GHR: variants seen among roughly 807,000 people sequenced by gnomAD.
The protein encoded by GHR is growth hormone receptor.
GHR carries 35 observed loss-of-function variants against 67.1 expected under a neutral mutation model. The ratio of observed to expected loss-of-function variants is 0.52; its 90% CI spans 0.40 to 0.69. The LOEUF (loss-of-function observed/expected upper bound fraction) is 0.69. Among genes scored for constraint, GHR ranks in the 30% least tolerant of loss-of-function variants. The pLI is 0.00. For missense variants in GHR, 792 were observed against 764.6 expected, an observed-to-expected ratio of 1.04 and a Z score of -0.42; for synonymous variants, 272 against 269.1, an observed-to-expected ratio of 1.01 and a Z score of -0.10.
intron 1 of GHR, among the ~76,000 whole-genome samples, chr5:42,519,302 G>A (rs1561091730): frequency 6.6e-6 from 1 of 152,080 alleles, no homozygotes; most frequent in Non-Finnish European, 1.5e-5. Context: ...GAGAATAAGG[G>A]CAATGCATTG....
intron 2 of GHR, among the ~76,000 whole-genome samples, chr5:42,576,099 T>TAAAATAAAAAAAAATAAATAAAATA (rs11400007): frequency 1.4e-5 from 1 of 69,236 alleles, no homozygotes; most frequent in African/African-American, 5.7e-5. Flanking sequence ...TAAAATAAAA[T>TAAAATAAAAAAAAATAAATAAAATA]AAATAAAATA....
intron 2 of GHR, among the ~76,000 whole-genome samples, chr5:42,616,703 G>A (rs919790347): frequency 2.0e-5 from 3 of 151,700 alleles, no homozygotes; most frequent in African/African-American, 7.3e-5. Flanking sequence ...CTAGAATATT[G>A]GAGGGAAGAG....
At chr5:42,627,299 T>C (rs963036839) in intron 2 of GHR, among the ~76,000 whole-genome samples, 2 of 152,220 alleles carry the variant, frequency 1.3e-5, no homozygotes, top group African/African-American at 4.8e-5. Flanking sequence ...ATGTAGGAAA[T>C]CTTTTTTTAA....
chr5:42,656,096 A>G (rs757386885), intron 3 of GHR, among the ~76,000 whole-genome samples: 1 of 152,120 alleles, frequency 6.6e-6, no homozygotes, highest in Non-Finnish European at 1.5e-5. Flanking sequence ...TGCAAAAAAC[A>G]TGTTCTAACA....
At chr5:42,507,059 G>A (rs1273902932) in intron 1 of GHR, among the ~76,000 whole-genome samples, 1 of 152,162 alleles carries the variant, frequency 6.6e-6, no homozygotes, top group Admixed American at 6.5e-5. Context: ...ATACATTAAA[G>A]TTCTTCCCAT....
chr5:42,613,219 C>T (rs1752972313), intron 2 of GHR, among the ~76,000 whole-genome samples: 1 of 152,142 alleles, frequency 6.6e-6, no homozygotes, highest in African/African-American at 2.4e-5. Flanking sequence ...ATCCCAACCA[C>T]ATCACTGACC....
chr5:42,454,817 C>A (rs1744193090), intron 1 of GHR, among the ~76,000 whole-genome samples: 1 of 152,108 alleles, frequency 6.6e-6, no homozygotes, highest in Non-Finnish European at 1.5e-5. Flanking sequence ...GGCTTTCAGG[C>A]CACACCCCTC....
intron 1 of GHR, among the ~76,000 whole-genome samples, chr5:42,538,160 T>A (rs773183144): frequency 6.6e-6 from 1 of 152,222 alleles, no homozygotes; most frequent in African/African-American, 2.4e-5. Context: ...TTACATTCAA[T>A]GTCAGTATGA....
chr5:42,660,102 C>G (rs374419813), intron 3 of GHR, among the ~76,000 whole-genome samples: 1 of 152,168 alleles, frequency 6.6e-6, no homozygotes, highest in African/African-American at 2.4e-5. Context: ...ACAAAGCAGG[C>G]GGGAATCTCG....
chr5:42,702,895 C>G (rs1259443492), intron 6 of GHR, among the ~76,000 whole-genome samples: 1 of 151,936 alleles, frequency 6.6e-6, no homozygotes, highest in Non-Finnish European at 1.5e-5. Flanking sequence ...GTCCTTTGCC[C>G]ATTTTTTAAT....
intron 2 of GHR, among the ~76,000 whole-genome samples, chr5:42,579,621 CT>C (rs1237286171): frequency 2.0e-5 from 3 of 152,196 alleles, no homozygotes; most frequent in African/African-American, 7.2e-5. Context: ...TATTTGAGTG[CT>C]TCTAACAAAT....
chr5:42,499,700 A>T (rs1027506705), intron 1 of GHR, among the ~76,000 whole-genome samples: 2 of 152,174 alleles, frequency 1.3e-5, no homozygotes, highest in Non-Finnish European at 2.9e-5. Flanking sequence ...AGGGCTGGAC[A>T]TGTTTTCTGT....
Position 42,424,616 on chromosome 5 carries a change from C to T in GHR, c.-12+661C>T, listed in dbSNP as rs1187194976. ...GAACTGGGGTAAGTGGAAATTGTGG[C>T]GAGCCGACCTCCCCCAGCTTTTGAC... On this transcript the variant is annotated intron_variant, in intron 1 of 9. Coordinates refer to ENST00000230882, the MANE Select transcript of GHR (RefSeq NM_000163.5). This position sits in a 1 kb window ranked among gnomAD's most constrained non-coding sequence, Gnocchi z 4.1. 3 of 1,532,254 alleles carry T rather than the reference C, an allele frequency of 2.0e-6. No homozygotes were observed. The highest frequency in any genetic ancestry group is 2.6e-6 in the Non-Finnish European group (3 of 1,143,868). 94.9% of individuals were successfully genotyped at this position (1,532,254 alleles called of 1,614,324 possible).
chr5:42,596,943 C>T, intron 2 of GHR, among the ~76,000 whole-genome samples: 1 of 152,108 alleles, frequency 6.6e-6, no homozygotes, highest in South Asian at 2.1e-4. Flanking sequence ...CCTGTAAGGC[C>T]CATGAGGCTA....
At chr5:42,571,566 G>A (rs1296525758) in intron 2 of GHR, among the ~76,000 whole-genome samples, 12 of 152,266 alleles carry the variant, frequency 7.9e-5, no homozygotes, top group East Asian at 5.8e-4. Flanking sequence ...AGGCTCCCAC[G>A]GAAAATGAGT....
intron 1 of GHR, chr5:42,465,903 GT>G (rs1287454887): frequency 2.8e-6 from 2 of 712,218 alleles, no homozygotes; most frequent in Non-Finnish European, 5.1e-6. Context: ...GGCTTTTCAA[GT>G]CTTCGTTCAC....
chr5:42,612,676 C>T (rs961536403), intron 2 of GHR, among the ~76,000 whole-genome samples: 4 of 152,058 alleles, frequency 2.6e-5, no homozygotes, highest in African/African-American at 9.7e-5. Flanking sequence ...AGAGAAAGGG[C>T]ATGATGTATT....
chr5:42,564,816 G>A (rs1336954031), intron 1 of GHR, among the ~76,000 whole-genome samples: 3 of 152,120 alleles, frequency 2.0e-5, no homozygotes, highest in Non-Finnish European at 4.4e-5. Context: ...AGAGGATCTC[G>A]TGGAGCTCCT....
At chr5:42,668,057 C>T (rs1756084154) in intron 3 of GHR, among the ~76,000 whole-genome samples, 1 of 152,146 alleles carries the variant, frequency 6.6e-6, no homozygotes, top group Admixed American at 6.6e-5. Context: ...AATATCATGT[C>T]ATTTTTATAA....
Sources: allele counts gnomAD v4.1 joint callset (sites outside exome capture counted in the v4.1 genomes callset), GRCh38; gene constraint gnomAD v4.1.1; non-coding constraint Gnocchi (gnomAD v3.1); transcripts MANE v1.5; gene names NCBI Gene and HGNC (gene_info 2026-07-23, HGNC 2026-07-21).